GALNT5: variants seen among roughly 807,000 people sequenced by gnomAD.
The protein encoded by GALNT5 is polypeptide N-acetylgalactosaminyltransferase 5.
In GALNT5, 72 loss-of-function variants were observed where a neutral mutation model predicts 85.4. The ratio of observed to expected loss-of-function variants is 0.84; its 90% CI spans 0.70 to 1.03. The LOEUF (loss-of-function observed/expected upper bound fraction) is 1.03. Among genes scored for constraint, GALNT5 ranks in the 50% least tolerant of loss-of-function variants. The probability of loss-of-function intolerance (pLI) is 0.00; values close to 1 mark genes in which losing one functional copy is unlikely to be tolerated. For synonymous variants in GALNT5, 404 were observed against 397.0 expected (o/e 1.02, Z -0.21); for missense variants, 1,137 against 1,135.5 (o/e 1.00, Z -0.02).
intron 1 of GALNT5, among the ~76,000 whole-genome samples, chr2:157,274,726 A>G (rs1341284961): frequency 6.6e-6 from 1 of 152,144 alleles, no homozygotes; most frequent in Admixed American, 6.5e-5. Flanking sequence ...GATTCTGGAT[A>G]TTAGCCCTTT....
intron 3 of GALNT5, among the ~76,000 whole-genome samples, chr2:157,292,482 C>T (rs1683121869): frequency 6.6e-6 from 1 of 152,190 alleles, no homozygotes; most frequent in Non-Finnish European, 1.5e-5. Flanking sequence ...GCAGATGCTG[C>T]TTCCCTTAGG....
intron 1 of GALNT5, among the ~76,000 whole-genome samples, chr2:157,273,378 C>G (rs1682635345): frequency 6.6e-6 from 1 of 151,910 alleles, no homozygotes. Flanking sequence ...AATTTATATT[C>G]TTTCTTCTTT....
intron 1 of GALNT5, among the ~76,000 whole-genome samples, chr2:157,283,541 A>G (rs933653744): frequency 6.6e-6 from 1 of 152,206 alleles, no homozygotes. Context: ...AGTATCAGCA[A>G]GGAAGCCCCG....
chr2:157,265,913 T>C (rs1682449312), intron 1 of GALNT5, among the ~76,000 whole-genome samples: 1 of 152,192 alleles, frequency 6.6e-6, no homozygotes, highest in South Asian at 2.1e-4. Context: ...AATATGGACA[T>C]GTGTGAGAAG....
At chr2:157,295,600 A>G in intron 3 of GALNT5, 63 bp from the exon 4 acceptor site, 1 of 1,323,208 alleles carries the variant, frequency 7.6e-7, no homozygotes, top group Non-Finnish European at 1.1e-6. Flanking sequence ...ACCTTTGAAC[A>G]TGAAGTACAC....
At chr2:157,282,213 T>C (rs763293854) in intron 1 of GALNT5, among the ~76,000 whole-genome samples, 19 of 152,154 alleles carry the variant, frequency 1.2e-4, no homozygotes, top group Non-Finnish European at 2.2e-4. Context: ...CATGCTCCTA[T>C]CAGCTGTCAA....
At chr2:157,289,715 A>C (rs1178637594) in intron 3 of GALNT5, among the ~76,000 whole-genome samples, 2 of 152,172 alleles carry the variant, frequency 1.3e-5, no homozygotes, top group African/African-American at 4.8e-5. Flanking sequence ...TGTAAATTAT[A>C]ATCAATATTA....
intron 1 of GALNT5, 33 bp from the exon 2 acceptor site, chr2:157,284,249 C>T (rs1471413889): frequency 6.3e-7 from 1 of 1,599,790 alleles, no homozygotes; most frequent in Non-Finnish European, 8.6e-7. Context: ...CTCCTTAGCA[C>T]ATCTCTTGTG....
At position 157,258,111 on chromosome 2, in the gene GALNT5, G is replaced by A; in HGVS notation, c.29G>A (p.Gly10Glu). The A allele has an allele frequency of 6.2e-7, 1 of 1,614,022 alleles. No homozygotes were observed. The highest frequency in any genetic ancestry group is 1.7e-5 in the Admixed American group (1 of 60,020). The change falls in exon 1 of 10, where the codon GGA (glycine) becomes GAA (glutamate). Residue 10 changes from glycine (G) to glutamate (E), a missense_variant. Coordinates refer to ENST00000259056, the MANE Select transcript of GALNT5 (RefSeq NM_014568.3). ...AACAGGATCCGAAAGTTTTTCCGAGGAAGTGGGCGAGTCTTGGCATTTATC... is the reference window on the plus strand; with the variant it reads ...AACAGGATCCGAAAGTTTTTCCGAGAAAGTGGGCGAGTCTTGGCATTTATC... MNRIRKFFR[G>E]SGRVLAFIFV...
At chr2:157,277,632 A>G (rs532006090) in intron 1 of GALNT5, among the ~76,000 whole-genome samples, 158 of 152,302 alleles carry the variant, frequency 1.0e-3, no homozygotes, top group African/African-American at 3.7e-3. Context: ...ATCAGAGACT[A>G]AGATTGCAAC....
At chr2:157,280,485 G>T (rs1682832717) in intron 1 of GALNT5, among the ~76,000 whole-genome samples, 1 of 152,196 alleles carries the variant, frequency 6.6e-6, no homozygotes, top group South Asian at 2.1e-4. Context: ...AGGGACTGAG[G>T]TCCTACTGAC....
intron 7 of GALNT5, chr2:157,302,606 C>G (rs1683366420): frequency 6.6e-6 from 1 of 150,930 alleles, no homozygotes; most frequent in South Asian, 2.1e-4. Flanking sequence ...AAAGGAATTT[C>G]CACTATTCTA....
intron 9 of GALNT5, 55 bp downstream of exon 9, chr2:157,308,783 A>G: frequency 7.1e-7 from 1 of 1,405,672 alleles, no homozygotes; most frequent in East Asian, 2.3e-5. Context: ...TTGATCAAAT[A>G]GGACATAAAA....
At chr2:157,284,557 A>G in intron 2 of GALNT5, 109 bp downstream of exon 2, 3 of 788,322 alleles carry the variant, frequency 3.8e-6, no homozygotes, top group Non-Finnish European at 6.4e-6. Context: ...AAGCATAAAC[A>G]TCGTACAAAT....
chr2:157,295,585 T>C, intron 3 of GALNT5, 78 bp from the exon 4 acceptor site: 1 of 1,137,254 alleles, frequency 8.8e-7, no homozygotes, highest in Non-Finnish European at 1.3e-6. Flanking sequence ...GGAGCAATCA[T>C]CAATACCTTT....
chr2:157,271,280 G>A (rs1682578356), intron 1 of GALNT5, among the ~76,000 whole-genome samples: 1 of 152,228 alleles, frequency 6.6e-6, no homozygotes, highest in South Asian at 2.1e-4. Flanking sequence ...CTGAAAGAAG[G>A]CCAAGGTGGA....
intron 3 of GALNT5, among the ~76,000 whole-genome samples, chr2:157,291,633 A>ACCCCCCC (rs10650005): frequency 3.9e-4 from 46 of 116,992 alleles, no homozygotes; most frequent in East Asian, 5.1e-4. Context: ...GTTACCACCC[A>ACCCCCCC]CCCCCCCCCA....
intron 1 of GALNT5, among the ~76,000 whole-genome samples, chr2:157,275,625 TTGTC>T (rs1314050423): frequency 1.3e-5 from 2 of 152,214 alleles, no homozygotes; most frequent in Non-Finnish European, 2.9e-5. Context: ...GGCTTTCTGT[TTGTC>T]TGCTATTCGT....
chr2:157,282,020 T>A (rs2105140048), intron 1 of GALNT5, among the ~76,000 whole-genome samples: 1 of 152,324 alleles, frequency 6.6e-6, no homozygotes, highest in Non-Finnish European at 1.5e-5. Context: ...GATAAAGCTC[T>A]TAAGTGAAGA....
Sources: gnomAD v4.1 joint callset for allele counts (sites outside exome capture counted in the v4.1 genomes callset) on GRCh38, gnomAD v4.1.1 for gene constraint, MANE v1.5 for transcripts, NCBI Gene and HGNC (gene_info 2026-07-23, HGNC 2026-07-21) for gene names.